Variants in RAP1GDS1 observed in about 807,000 individuals in gnomAD.
RAP1GDS1 encodes RAP1, GTP-GDP dissociation stimulator 1.
RAP1GDS1 carries 35 observed loss-of-function variants against 71.1 expected under a neutral mutation model. The ratio of observed to expected loss-of-function variants is 0.49; its 90% CI spans 0.38 to 0.65. The LOEUF (loss-of-function observed/expected upper bound fraction) is 0.65. RAP1GDS1 is among the 30% of genes least tolerant of loss of function. RAP1GDS1 has a pLI of 0.00. For missense variants in RAP1GDS1, 663 were observed against 706.1 expected, an observed-to-expected ratio of 0.94 and a Z score of 0.69; for synonymous variants, 229 against 243.1, an observed-to-expected ratio of 0.94 and a Z score of 0.54.
chr4:98,381,397 C>G (rs1183032873), intron 5 of RAP1GDS1, among the ~76,000 whole-genome samples: 1 of 151,498 alleles, frequency 6.6e-6, no homozygotes, highest in Non-Finnish European at 1.5e-5. Context: ...CTAATGTTCA[C>G]TGAAATTATA....
intron 1 of RAP1GDS1, among the ~76,000 whole-genome samples, chr4:98,291,743 A>G (rs1187396239): frequency 6.6e-6 from 1 of 152,170 alleles, no homozygotes; most frequent in African/African-American, 2.4e-5. Context: ...CAGGTGTAGA[A>G]CAGAAAATTC....
chr4:98,345,723 A>G (rs1736149131), intron 3 of RAP1GDS1, among the ~76,000 whole-genome samples: 1 of 152,218 alleles, frequency 6.6e-6, no homozygotes, highest in South Asian at 2.1e-4. Context: ...TTTTATACAG[A>G]TAAGAAAACA....
chr4:98,302,478 A>G (rs1422679274), intron 2 of RAP1GDS1, among the ~76,000 whole-genome samples: 1 of 152,214 alleles, frequency 6.6e-6, no homozygotes, highest in Non-Finnish European at 1.5e-5. Flanking sequence ...ATTATAATAC[A>G]GAAGATAGTC....
At chr4:98,309,728 C>T (rs544632754) in intron 2 of RAP1GDS1, among the ~76,000 whole-genome samples, 6 of 151,828 alleles carry the variant, frequency 4.0e-5, no homozygotes, top group Non-Finnish European at 7.4e-5. Context: ...TTTCTATTTG[C>T]TATACAAGAG....
intron 5 of RAP1GDS1, 34 bp downstream of exon 5, chr4:98,379,197 G>A: frequency 2.7e-6 from 4 of 1,509,004 alleles, no homozygotes; most frequent in South Asian, 2.8e-5. Flanking sequence ...TTATCTCTGG[G>A]GGAAAAATTA....
intron 9 of RAP1GDS1, among the ~76,000 whole-genome samples, 182 bp downstream of exon 9, chr4:98,417,680 T>A (rs902425200): frequency 6.6e-6 from 1 of 152,240 alleles, no homozygotes; most frequent in Non-Finnish European, 1.5e-5. Flanking sequence ...ACATATTTTA[T>A]GCAATTCAAC....
chr4:98,420,006 T>A lies in RAP1GDS1; in HGVS notation c.1175-13T>A. On this transcript the variant is annotated splice_polypyrimidine_tract_variant and intron_variant, in intron 10 of 14. Transcript: ENST00000408927. ...CTAATACCATTTTAACCATAGTCTC[T>A]CTTTTTCTCCAGTTATAAATAAAGC... The A allele has an allele frequency of 6.3e-7, 1 of 1,583,620 alleles. No homozygotes were observed. The highest frequency in any genetic ancestry group is 8.6e-7 in the Non-Finnish European group (1 of 1,164,654).
intron 10 of RAP1GDS1, among the ~76,000 whole-genome samples, chr4:98,419,026 G>A (rs1748425523): frequency 6.6e-6 from 1 of 152,110 alleles, no homozygotes; most frequent in African/African-American, 2.4e-5. Flanking sequence ...TACCTTTTGC[G>A]AACTGTTAGA....
At chr4:98,405,061 TATA>T (rs1745931490) in intron 7 of RAP1GDS1, among the ~76,000 whole-genome samples, 2 of 152,130 alleles carry the variant, frequency 1.3e-5, no homozygotes, top group Admixed American at 1.3e-4. Context: ...ATTTTTCAAA[TATA>T]ATGTCTAACA....
chr4:98,270,091 A>C (rs1317134597), intron 1 of RAP1GDS1, among the ~76,000 whole-genome samples: 4 of 152,132 alleles, frequency 2.6e-5, no homozygotes, highest in Non-Finnish European at 5.9e-5. Context: ...TGTCCTCCAA[A>C]GAGGAGAAAC....
chr4:98,299,492 A>G (rs1322790344), intron 2 of RAP1GDS1, among the ~76,000 whole-genome samples: 1 of 152,198 alleles, frequency 6.6e-6, no homozygotes, highest in Non-Finnish European at 1.5e-5. Flanking sequence ...GTAACTGTAG[A>G]TGTGGTAGAA....
chr4:98,354,327 G>T (rs1737649556), intron 4 of RAP1GDS1, among the ~76,000 whole-genome samples: 1 of 152,126 alleles, frequency 6.6e-6, no homozygotes, highest in Admixed American at 6.5e-5. Flanking sequence ...CTCCCAAAGT[G>T]CTGGGATTAC....
chr4:98,438,421 T>C (rs1212484933), intron 14 of RAP1GDS1, among the ~76,000 whole-genome samples: 1 of 151,522 alleles, frequency 6.6e-6, no homozygotes, highest in African/African-American at 2.4e-5. Flanking sequence ...CCAGTCCCTT[T>C]TGTGTATTTA....
chr4:98,333,539 G>A (rs1256285537), intron 2 of RAP1GDS1, among the ~76,000 whole-genome samples: 2 of 151,914 alleles, frequency 1.3e-5, no homozygotes, highest in Non-Finnish European at 2.9e-5. Flanking sequence ...ATGTTTTAAT[G>A]TTTTTTAAGA....
At chr4:98,310,641 A>C (rs911174597) in intron 2 of RAP1GDS1, among the ~76,000 whole-genome samples, 8 of 152,130 alleles carry the variant, frequency 5.3e-5, no homozygotes, top group Admixed American at 1.3e-4. Flanking sequence ...ACTCTGAATT[A>C]CTCTGATAAT....
rs542220882 is a variant in RAP1GDS1, at chr4:98,362,542, G to GA, written c.361+9943dup. On this transcript the variant is annotated intron_variant, in intron 4 of 14. Coordinates refer to ENST00000408927, the MANE Select transcript of RAP1GDS1 (RefSeq NM_001100427.2). ...TTCCCTGCTCCAGGAAATTAAAATA[G>GA]AACTTGGCAAAATTAAAAGCAGTAT... is the stretch of plus-strand genomic sequence containing the variant. 6.9e-3 allele frequency among the ~76,000 whole-genome samples: 1,041 copies of GA among 151,726 alleles called. 12 individuals carry two copies. Among genetic ancestry groups the GA allele is most frequent in the African/African-American group, 0.024 (976 of 41,248 alleles).
intron 6 of RAP1GDS1, among the ~76,000 whole-genome samples, chr4:98,402,719 T>C (rs777606605): frequency 6.6e-6 from 1 of 152,154 alleles, no homozygotes; most frequent in African/African-American, 2.4e-5. Context: ...TACCAGAGAC[T>C]AGCGAGCAGA....
chr4:98,345,478 A>T (rs1384746605), intron 3 of RAP1GDS1, among the ~76,000 whole-genome samples: 2 of 152,162 alleles, frequency 1.3e-5, no homozygotes, highest in Non-Finnish European at 2.9e-5. Flanking sequence ...TTTGACCATA[A>T]ATTATAGTAA....
intron 2 of RAP1GDS1, among the ~76,000 whole-genome samples, chr4:98,307,361 T>C (rs761816839): frequency 5.9e-5 from 9 of 152,082 alleles, no homozygotes; most frequent in African/African-American, 1.4e-4. Context: ...TTTGAAAAAT[T>C]GTTATTGTTT....
Sources: allele counts gnomAD v4.1 joint callset (sites outside exome capture counted in the v4.1 genomes callset), GRCh38; gene constraint gnomAD v4.1.1; transcripts MANE v1.5; gene names NCBI Gene and HGNC (gene_info 2026-07-23, HGNC 2026-07-21).